FBXO4: variants seen among roughly 807,000 people sequenced by gnomAD.
FBXO4 encodes the protein F-box only protein 4.
FBXO4 carries 36 observed loss-of-function variants against 43.7 expected under a neutral mutation model. That is an observed-to-expected ratio of 0.82 (90% CI 0.63 to 1.09). The LOEUF (loss-of-function observed/expected upper bound fraction) is 1.09, where lower values mean the gene tolerates loss of function less well. Among genes scored for constraint, FBXO4 ranks in the 50% least tolerant of loss-of-function variants. FBXO4 has a pLI of 0.00. For missense variants in FBXO4, 435 were observed against 474.1 expected, an observed-to-expected ratio of 0.92 and a Z score of 0.77; for synonymous variants, 180 against 165.6, an observed-to-expected ratio of 1.09 and a Z score of -0.67.
the FBXO4 span, among the ~76,000 whole-genome samples, chr5:41,960,157 A>C: frequency 1.3e-5 from 2 of 151,800 alleles, no homozygotes; most frequent in Non-Finnish European, 2.9e-5. Context: ...TTTTTTATTT[A>C]CAGCTTTTTG....
chr5:42,020,003 A>G, the FBXO4 span, among the ~76,000 whole-genome samples: 16,714 of 152,196 alleles, frequency 0.11, 1,443 homozygotes, highest in African/African-American at 0.24. Flanking sequence ...TCAATCCATA[A>G]GCAAAGCATG....
rs559988406 is a variant in FBXO4, at chr5:41,934,191, C to G, written c.781C>G (p.Arg261Gly). The change falls in exon 5 of 7, where the codon CGA becomes GGA. Residue 261 changes from arginine to glycine, a missense_variant. Arg to Gly is a moderately radical substitution (Grantham distance 125). Transcript: ENST00000281623. Reference sequence around the variant, plus strand: ...AAGTGCAGTTAACAAGATGTTCAGTCGACACAATGAAGGTGATGATCAACA... The same window carrying G: ...AAGTGCAGTTAACAAGATGTTCAGTGGACACAATGAAGGTGATGATCAACA... ...HTSAVNKMFSRHNEGDDQQGS... is the reference protein window; with the variant it reads ...HTSAVNKMFSGHNEGDDQQGS... 6.2e-7 allele frequency: 1 copy of G among 1,613,900 alleles called. No homozygotes were observed. The highest frequency in any genetic ancestry group is 2.2e-5 in the East Asian group (1 of 44,854).
chr5:42,004,241 C>A, the FBXO4 span, among the ~76,000 whole-genome samples: 2 of 152,142 alleles, frequency 1.3e-5, no homozygotes, highest in Admixed American at 6.6e-5. Flanking sequence ...AACAGTCTTA[C>A]CTATTGAAAC....
chr5:41,967,216 T>A, the FBXO4 span: 1 of 497,706 alleles, frequency 2.0e-6, no homozygotes. Flanking sequence ...TTTGTGGCAA[T>A]TATGGTATTC....
chr5:41,961,953 C>T, the FBXO4 span, among the ~76,000 whole-genome samples: 1 of 152,182 alleles, frequency 6.6e-6, no homozygotes, highest in Non-Finnish European at 1.5e-5. Flanking sequence ...CTTGCTCTCT[C>T]CTGGCATCTC....
chr5:41,960,246 GT>G, the FBXO4 span, among the ~76,000 whole-genome samples: 780 of 151,642 alleles, frequency 5.1e-3, 8 homozygotes, highest in African/African-American at 0.018. Context: ...AGTTTTAACA[GT>G]TTTTTTTGGC....
At chr5:41,948,077 T>C in the FBXO4 span, among the ~76,000 whole-genome samples, 1 of 152,170 alleles carries the variant, frequency 6.6e-6, no homozygotes, top group African/African-American at 2.4e-5. Context: ...AACTAAATTT[T>C]ACATTTTATT....
the FBXO4 span, among the ~76,000 whole-genome samples, chr5:41,956,829 C>T: frequency 1.3e-5 from 2 of 151,716 alleles, no homozygotes; most frequent in South Asian, 4.2e-4. Context: ...TCTCCTGCCT[C>T]AGCCTCCCAA....
the FBXO4 span, among the ~76,000 whole-genome samples, chr5:42,000,775 G>T: frequency 6.6e-6 from 1 of 152,052 alleles, no homozygotes; most frequent in Admixed American, 6.6e-5. Flanking sequence ...TAAAGATTTG[G>T]TTTCATTCTT....
downstream of FBXO4, among the ~76,000 whole-genome samples, chr5:41,944,891 A>C (rs1752055319): frequency 6.6e-6 from 1 of 152,216 alleles, no homozygotes; most frequent in African/African-American, 2.4e-5. Flanking sequence ...GAAACGAAAG[A>C]AGCAAGGGTC....
chr5:42,031,671 A>T, the FBXO4 span, among the ~76,000 whole-genome samples: 2 of 152,084 alleles, frequency 1.3e-5, no homozygotes, highest in South Asian at 4.1e-4. Flanking sequence ...GTGTTTCTCC[A>T]GGATTTGTCG....
chr5:42,035,268 A>C, the FBXO4 span, among the ~76,000 whole-genome samples: 2 of 152,070 alleles, frequency 1.3e-5, no homozygotes, highest in Non-Finnish European at 2.9e-5. Context: ...TTGACTGCAA[A>C]CAGAGGCAAT....
At chr5:41,945,993 A>C (rs937140967), downstream of FBXO4, among the ~76,000 whole-genome samples, 1 of 152,234 alleles carries the variant, frequency 6.6e-6, no homozygotes, top group South Asian at 2.1e-4. Context: ...TTCTGCATAC[A>C]GATGTTATGT....
At chr5:42,034,586 A>T in the FBXO4 span, among the ~76,000 whole-genome samples, 1 of 152,116 alleles carries the variant, frequency 6.6e-6, no homozygotes, top group African/African-American at 2.4e-5. Context: ...GCATATGGCT[A>T]GATTGTTTTC....
At chr5:42,034,562 T>C in the FBXO4 span, among the ~76,000 whole-genome samples, 6 of 152,040 alleles carry the variant, frequency 3.9e-5, no homozygotes, top group Non-Finnish European at 8.8e-5. Context: ...GAAGGGGTCC[T>C]GTTTCAGTTT....
chr5:42,025,863 T>G, the FBXO4 span, among the ~76,000 whole-genome samples: 1 of 151,960 alleles, frequency 6.6e-6, no homozygotes, highest in Non-Finnish European at 1.5e-5. Flanking sequence ...GTGTGCAGGT[T>G]TATTTCTGGC....
At chr5:41,930,036 G>T (rs369371323) in intron 3 of FBXO4, 119 bp downstream of exon 3, 8 of 797,248 alleles carry the variant, frequency 1.0e-5, no homozygotes, top group South Asian at 3.8e-5. Flanking sequence ...TACTTTGGTT[G>T]TTGGGAGCCC....
intron 5 of FBXO4, 116 bp downstream of exon 5, chr5:41,934,424 G>T: frequency 6.6e-7 from 1 of 1,524,878 alleles, no homozygotes; most frequent in Non-Finnish European, 8.8e-7. Context: ...TTATCAATGT[G>T]ATTTTCTGAC....
intron 5 of FBXO4, 157 bp downstream of exon 5, chr5:41,934,465 T>G (rs900645293): frequency 1.3e-5 from 19 of 1,467,002 alleles, no homozygotes; most frequent in African/African-American, 1.1e-4. Flanking sequence ...TCTCACACTT[T>G]TGTGTGTATT....
Sources: allele counts gnomAD v4.1 joint callset (sites outside exome capture counted in the v4.1 genomes callset), GRCh38; gene constraint gnomAD v4.1.1; transcripts MANE v1.5; gene names NCBI Gene and HGNC (gene_info 2026-07-23, HGNC 2026-07-21).